CTPS2: variants seen among roughly 807,000 people sequenced by gnomAD.
CTPS2 encodes CTP synthase 2, also known as CTP synthase II.
In CTPS2, 19 loss-of-function variants were observed where a neutral mutation model predicts 46.8. The observed-to-expected ratio is 0.41, with a 90% confidence interval of 0.28 to 0.60. The LOEUF is 0.60. CTPS2 is among the 20% of genes least tolerant of loss of function. The probability of loss-of-function intolerance (pLI) is 0.35; values close to 1 mark genes in which losing one functional copy is unlikely to be tolerated. For missense variants in CTPS2, 286 were observed against 447.6 expected, an observed-to-expected ratio of 0.64 and a Z score of 3.26; for synonymous variants, 151 against 165.2, an observed-to-expected ratio of 0.91 and a Z score of 0.66.
intron 14 of CTPS2, among the ~76,000 whole-genome samples, chrX:16,636,768 C>CAA (rs748055833): frequency 9.3e-6 from 1 of 107,815 alleles, no homozygotes; most frequent in African/African-American, 3.4e-5. Context: ...ACTAAAAATA[C>CAA]AAAAAAAAAT....
rs1264828820 is a variant in CTPS2 at position 16,711,418 on chromosome X, AG to A, written c.-40+916del. 4.5e-5 allele frequency: 5 copies of A among 111,531 alleles called. No individual in the cohort carries two copies. The Admixed American group carries it at 4.8e-4, about 11-fold the overall frequency. The allele number at this position is 111,531 out of a possible 1,213,427, so 9.2% of individuals were successfully genotyped here. On this transcript the variant is annotated intron_variant, in intron 1 of 18. Transcript: ENST00000359276. ...CAGTGGCTCCCACATTAGACCAGGC[AG>A]GCCTAGAGCAAATAAAAGCACCGGA...
At chrX:16,673,181 C>T (rs1368552151) in intron 10 of CTPS2, among the ~76,000 whole-genome samples, 2 of 111,057 alleles carry the variant, frequency 1.8e-5, no homozygotes, top group South Asian at 3.8e-4. Flanking sequence ...CCACCGCGCC[C>T]GGCCGAGGCT....
At chrX:16,638,862 G>A (rs374998871) in intron 14 of CTPS2, 104 of 452,740 alleles carry the variant, frequency 2.3e-4, no homozygotes, top group Non-Finnish European at 3.8e-4. Context: ...CAGGAGCATC[G>A]GTAACTCACA....
chrX:16,648,522 C>CA (rs1467509229), intron 13 of CTPS2, among the ~76,000 whole-genome samples: 1 of 112,283 alleles, frequency 8.9e-6, no homozygotes, highest in Non-Finnish European at 1.9e-5. Flanking sequence ...TATGATTAAG[C>CA]ACAAACGCCT....
At chrX:16,601,361 G>GCCACCTTGTCACCTCCGATTCA (rs1929646518) in intron 17 of CTPS2, among the ~76,000 whole-genome samples, 1 of 110,613 alleles carries the variant, frequency 9.0e-6, no homozygotes, top group Non-Finnish European at 1.9e-5. Flanking sequence ...CCTCCGATTC[G>GCCACCTTGTCACCTCCGATTCA]CCACCTTGTC....
At chrX:16,640,014 C>T (rs1359775508) in intron 13 of CTPS2, among the ~76,000 whole-genome samples, 2 of 111,120 alleles carry the variant, frequency 1.8e-5, no homozygotes, top group Non-Finnish European at 3.8e-5. Context: ...CCAGCCTTCT[C>T]CCAGGCTACA....
chrX:16,690,333 T>G (rs774252596), intron 7 of CTPS2, among the ~76,000 whole-genome samples: 1 of 110,347 alleles, frequency 9.1e-6, no homozygotes, highest in Admixed American at 9.7e-5. Context: ...AGTGCACCAC[T>G]GCATTCCAGC....
At chrX:16,670,467 G>T in intron 11 of CTPS2, 113 bp downstream of exon 11, 1 of 552,486 alleles carries the variant, frequency 1.8e-6, no homozygotes, top group Non-Finnish European at 3.0e-6. Context: ...TTTGGCACCT[G>T]AACTTTCAAA....
chrX:16,601,572 CGG>C (rs5901589), intron 17 of CTPS2, among the ~76,000 whole-genome samples: 23,210 of 70,352 alleles, frequency 0.33, 3,815 homozygotes, highest in African/African-American at 0.56. Context: ...GGGAAGCCAT[CGG>C]GGGGGGGGGG....
rs777853690 is a variant in CTPS2 at position 16,659,815 on chromosome X, C to T, written c.1296+7699G>A. On this transcript the variant is annotated intron_variant, in intron 13 of 18. Coordinates refer to ENST00000359276, the MANE Select transcript of CTPS2 (RefSeq NM_175859.3). ...TCAGCCTCCCGAAGTGCTGGGATTACAGTATTATTAACTATGGTCCCCATG... is the reference window on the plus strand; with the variant it reads ...TCAGCCTCCCGAAGTGCTGGGATTATAGTATTATTAACTATGGTCCCCATG... Among the ~76,000 whole-genome samples, 4 of 111,370 alleles carry T rather than the reference C, an allele frequency of 3.6e-5. No individual in the cohort carries two copies. In the South Asian group the frequency reaches 1.5e-3, roughly 42 times the overall value.
rs1457595549 is a variant in CTPS2, at chrX:16,588,766, G to A, written c.*1051C>T. On this transcript the variant is annotated 3_prime_UTR_variant, in exon 19 of 19. Transcript: ENST00000359276. ...GAGTGATGAAAATGTTTTGGAAATA[G>A]TTAAAGGTGGTGGTTGCTCAACATC... 1 of 112,408 alleles carries A rather than the reference G, an allele frequency of 8.9e-6. No individual in the cohort carries two copies. The highest frequency in any genetic ancestry group is 1.9e-5 in the Non-Finnish European group (1 of 53,316). 9.3% of individuals were successfully genotyped at this position (112,408 alleles called of 1,213,427 possible). A position where few individuals can be genotyped will look rare whatever the true frequency, so the allele number is the denominator to read the frequency against.
chrX:16,662,698 C>CT (rs760420123), intron 13 of CTPS2, among the ~76,000 whole-genome samples: 94 of 94,130 alleles, frequency 1.0e-3, no homozygotes, highest in East Asian at 1.3e-3. Context: ...TCTCCTTAGT[C>CT]TTTTTTTTTT....
At chrX:16,629,556 CT>C (rs200917016) in intron 14 of CTPS2, among the ~76,000 whole-genome samples, 10 of 109,328 alleles carry the variant, frequency 9.1e-5, no homozygotes, top group African/African-American at 3.3e-4. Context: ...CATGGTTTTT[CT>C]TTTTTTTCCC....
chrX:16,710,704 C>T (rs1027811924), intron 1 of CTPS2, among the ~76,000 whole-genome samples: 16 of 111,402 alleles, frequency 1.4e-4, no homozygotes, highest in Admixed American at 9.6e-5. Context: ...CTGCAACCTC[C>T]GCCTCCCGGG....
At chrX:16,592,235 G>A (rs957079645) in intron 17 of CTPS2, among the ~76,000 whole-genome samples, 3 of 111,129 alleles carry the variant, frequency 2.7e-5, no homozygotes, top group African/African-American at 9.8e-5. Context: ...TGCTATAACA[G>A]GGATTATAGG....
At chrX:16,623,509 G>GC (rs1930948821) in intron 14 of CTPS2, among the ~76,000 whole-genome samples, 1 of 111,463 alleles carries the variant, frequency 9.0e-6, no homozygotes, top group Non-Finnish European at 1.9e-5. Context: ...GAGAACATGC[G>GC]ATGTTTGTCT....
chrX:16,643,733 C>T (rs1360638896), intron 13 of CTPS2, among the ~76,000 whole-genome samples: 1 of 111,363 alleles, frequency 9.0e-6, no homozygotes, highest in African/African-American at 3.3e-5. Flanking sequence ...GCTCTCAGGT[C>T]CTACCTCACA....
At chrX:16,602,942 G>C (rs1181454215) in intron 17 of CTPS2, among the ~76,000 whole-genome samples, 1 of 111,639 alleles carries the variant, frequency 9.0e-6, no homozygotes, top group African/African-American at 3.3e-5. Context: ...AATAAGGCCA[G>C]TGGGTGCCCT....
intron 13 of CTPS2, among the ~76,000 whole-genome samples, chrX:16,646,907 T>C (rs1359567629): frequency 2.7e-5 from 3 of 111,947 alleles, no homozygotes; most frequent in African/African-American, 9.7e-5. Context: ...TAAATAACCT[T>C]TGCCTCTCCA....
Sources: gnomAD v4.1 joint callset for allele counts (sites outside exome capture counted in the v4.1 genomes callset) on GRCh38, gnomAD v4.1.1 for gene constraint, MANE v1.5 for transcripts, NCBI Gene and HGNC (gene_info 2026-07-23, HGNC 2026-07-21) for gene names.